UBE2Q2: variants seen among roughly 807,000 people sequenced by gnomAD.
UBE2Q2 encodes ubiquitin-conjugating enzyme E2 Q2.
In UBE2Q2, 54 loss-of-function variants were observed where a neutral mutation model predicts 59.9. The ratio of observed to expected loss-of-function variants is 0.90; its 90% CI spans 0.72 to 1.13. The LOEUF is 1.13. Ranked by LOEUF, UBE2Q2 falls within the 50% of genes most tolerant of loss-of-function variation. The probability of loss-of-function intolerance (pLI) is 0.00; values close to 1 mark genes in which losing one functional copy is unlikely to be tolerated. For missense variants in UBE2Q2, 433 were observed against 441.9 expected (o/e 0.98, Z 0.18); for synonymous variants, 165 against 155.2 (o/e 1.06, Z -0.47).
At chr15:75,844,517 C>T (rs1896220573) in intron 1 of UBE2Q2, 1 of 1,548,908 alleles carries the variant, frequency 6.5e-7, no homozygotes, top group Non-Finnish European at 8.7e-7. Flanking sequence ...TGTGGCCCCT[C>T]CCTTGTGTGT....
chr15:75,851,961 C>T (rs1896656111), intron 1 of UBE2Q2, among the ~76,000 whole-genome samples: 1 of 152,216 alleles, frequency 6.6e-6, no homozygotes, highest in South Asian at 2.1e-4. Context: ...GAGACTCGAC[C>T]TTCTGGGCTC....
chr15:75,844,426 C>A, intron 1 of UBE2Q2: 1 of 1,551,650 alleles, frequency 6.4e-7, no homozygotes, highest in Non-Finnish European at 8.7e-7. Context: ...CCCCTCTCCC[C>A]CGGGCCTGGC....
intron 1 of UBE2Q2, chr15:75,844,640 A>C: frequency 1.3e-6 from 1 of 776,268 alleles, no homozygotes; most frequent in Non-Finnish European, 2.0e-6. Flanking sequence ...CATTAAGCGG[A>C]AATCTCATTA....
intron 3 of UBE2Q2, 99 bp downstream of exon 3, chr15:75,860,081 A>G: frequency 2.4e-6 from 2 of 849,278 alleles, no homozygotes; most frequent in East Asian, 5.6e-5. Flanking sequence ...ACTTATTTAG[A>G]AGTTAGTTTC....
chr15:75,881,499 T>C (rs1182156814), intron 8 of UBE2Q2, among the ~76,000 whole-genome samples: 1 of 152,018 alleles, frequency 6.6e-6, no homozygotes, highest in Non-Finnish European at 1.5e-5. Flanking sequence ...TTTTCTGGGG[T>C]TGGAGTATTT....
intron 1 of UBE2Q2, among the ~76,000 whole-genome samples, chr15:75,848,857 C>A (rs375525674): frequency 6.6e-6 from 1 of 152,068 alleles, no homozygotes; most frequent in African/African-American, 2.4e-5. Context: ...TATGTGATCT[C>A]TTCTAGAAGA....
chr15:75,855,894 A>G (rs976424331), intron 2 of UBE2Q2, among the ~76,000 whole-genome samples: 26 of 152,116 alleles, frequency 1.7e-4, no homozygotes, highest in African/African-American at 5.6e-4. Flanking sequence ...ATATTCGTAA[A>G]TGTAATTTCT....
At chr15:75,856,269 G>GTGTGTGTGTGTGTATATA (rs1256142539) in intron 2 of UBE2Q2, among the ~76,000 whole-genome samples, 2 of 139,276 alleles carry the variant, frequency 1.4e-5, no homozygotes, top group African/African-American at 5.5e-5. Flanking sequence ...GTGTGTGTGT[G>GTGTGTGTGTGTGTATATA]TATATATATA....
intron 5 of UBE2Q2, 130 bp from the exon 6 acceptor site, chr15:75,876,057 T>TC: frequency 1.3e-6 from 1 of 763,328 alleles, no homozygotes; most frequent in Non-Finnish European, 2.0e-6. Flanking sequence ...AGGGCTAGAC[T>TC]CCATCTCCAA....
chr15:75,864,103 TA>T (rs1168218106), intron 3 of UBE2Q2, among the ~76,000 whole-genome samples: 1 of 152,230 alleles, frequency 6.6e-6, no homozygotes, highest in Non-Finnish European at 1.5e-5. Context: ...TGCATTTCTA[TA>T]GTAAACACCG....
chr15:75,872,924 G>T (rs1471776350), intron 4 of UBE2Q2, among the ~76,000 whole-genome samples: 2 of 152,138 alleles, frequency 1.3e-5, no homozygotes, highest in African/African-American at 4.8e-5. Context: ...ATTAGGCTAT[G>T]TTAGTATTTC....
chr15:75,890,851 T>G, intron 10 of UBE2Q2, 68 bp from the exon 11 acceptor site: 1 of 1,372,522 alleles, frequency 7.3e-7, no homozygotes, highest in South Asian at 1.2e-5. Context: ...ATATACCATT[T>G]TGTTAGGCCT....
intron 3 of UBE2Q2, 80 bp downstream of exon 3, chr15:75,860,062 T>C: frequency 9.7e-7 from 1 of 1,027,054 alleles, no homozygotes; most frequent in South Asian, 1.6e-5. Context: ...TTTTTCTTTT[T>C]ATTGTTCAAC....
At chr15:75,857,850 T>G (rs1896998013) in intron 2 of UBE2Q2, among the ~76,000 whole-genome samples, 1 of 152,160 alleles carries the variant, frequency 6.6e-6, no homozygotes, top group South Asian at 2.1e-4. Flanking sequence ...AAATATTGTG[T>G]ATAATTGGCC....
chr15:75,862,466 C>T (rs745702887), intron 3 of UBE2Q2, among the ~76,000 whole-genome samples: 6 of 145,310 alleles, frequency 4.1e-5, no homozygotes, highest in Non-Finnish European at 7.6e-5. Context: ...CTATGTTGCT[C>T]ATCATTTGTA....
At chr15:75,865,322 A>G (rs112437635) in intron 3 of UBE2Q2, among the ~76,000 whole-genome samples, 2 of 152,324 alleles carry the variant, frequency 1.3e-5, no homozygotes, top group African/African-American at 2.4e-5. Flanking sequence ...TGTGCTTAAC[A>G]TTGTGTGTGA....
At chr15:75,896,068 T>C (rs922362339) in intron 11 of UBE2Q2, among the ~76,000 whole-genome samples, 1 of 152,182 alleles carries the variant, frequency 6.6e-6, no homozygotes, top group Non-Finnish European at 1.5e-5. Context: ...CTCCAAGATA[T>C]GCTAGACAAG....
At position 75,863,156 on chromosome 15, in the gene UBE2Q2, C is replaced by CT. The variant is rs1316608818; in HGVS notation, c.387+3174_387+3175insT. On this transcript the variant is annotated intron_variant, in intron 3 of 12. Coordinates refer to ENST00000267938, the MANE Select transcript of UBE2Q2 (RefSeq NM_173469.4). The stretch of plus-strand genomic sequence containing the variant: ...CCTATCTGTCCCACTTTCTGGGGTA[C>CT]CTAGTGTCTGAGTCTAGAGCCTCTT... 5.9e-5 allele frequency among the ~76,000 whole-genome samples: 9 copies of CT among 152,244 alleles called. No homozygotes were observed. In the East Asian group the frequency reaches 1.7e-3, roughly 29 times the overall value.
chr15:75,859,785 T>G lies in UBE2Q2; in HGVS notation c.283-93T>G, dbSNP rs111305851. On this transcript the variant is annotated intron_variant, in intron 2 of 12. Transcript: ENST00000267938. The stretch of plus-strand genomic sequence containing the variant: ...GTTGAGCAGTAACAAACTTTTTCAT[T>G]TCCTACTGGATTGATTACAGTAGTC... 1.4e-3 allele frequency: 1,233 copies of G among 850,942 alleles called. 13 individuals carry two copies. The African/African-American group carries it at 0.019, about 13-fold the overall frequency. The allele number at this position is 850,942 out of a possible 1,614,324, so 52.7% of individuals were successfully genotyped here.
Sources: allele counts gnomAD v4.1 joint callset (sites outside exome capture counted in the v4.1 genomes callset), GRCh38; gene constraint gnomAD v4.1.1; transcripts MANE v1.5; gene names NCBI Gene and HGNC (gene_info 2026-07-23, HGNC 2026-07-21).